The following WWTR1 variants were observed in gnomAD, a reference collection of about 807,000 sequenced individuals.
The protein encoded by WWTR1 is WW domain containing transcription regulator 1, also known as WW domain-containing transcription regulator protein 1.
Under a neutral mutation model 40.1 loss-of-function variants are expected in WWTR1, and 13 were observed. That is an observed-to-expected ratio of 0.32 (90% CI 0.21 to 0.52). WWTR1 has a LOEUF of 0.52. WWTR1 is among the 20% of genes least tolerant of loss of function. The pLI is 0.97. For missense variants in WWTR1, 436 were observed against 523.1 expected, an observed-to-expected ratio of 0.83 and a Z score of 1.63; for synonymous variants, 230 against 210.1, an observed-to-expected ratio of 1.09 and a Z score of -0.82.
chr3:149,623,641 G>C (rs1740417645), intron 2 of WWTR1, among the ~76,000 whole-genome samples: 1 of 152,132 alleles, frequency 6.6e-6, no homozygotes, highest in African/African-American at 2.4e-5. Flanking sequence ...ATCCTTATTT[G>C]AATAGGAGAG....
intron 3 of WWTR1, among the ~76,000 whole-genome samples, chr3:149,545,818 G>T (rs567071161): frequency 6.6e-6 from 1 of 152,164 alleles, no homozygotes; most frequent in Non-Finnish European, 1.5e-5. Flanking sequence ...ACCGCGCCCA[G>T]CCCTATGTTA....
chr3:149,612,564 GTAA>G (rs1576596689), intron 2 of WWTR1, among the ~76,000 whole-genome samples: 1 of 152,092 alleles, frequency 6.6e-6, no homozygotes, highest in East Asian at 1.9e-4. Context: ...TGCCAATTAA[GTAA>G]TAATATTTTC....
intron 1 of WWTR1, among the ~76,000 whole-genome samples, chr3:149,686,865 G>A (rs1243020917): frequency 6.6e-6 from 1 of 152,098 alleles, no homozygotes; most frequent in Admixed American, 6.6e-5. Context: ...TGAACTATGG[G>A]AGTTCTGAGT....
Position 149,674,056 on chromosome 3 carries a change from C to CAAAAAAAAAAAAAAAAA in WWTR1, c.-107-4166_-107-4165insTTTTTTTTTTTTTTTTT, listed in dbSNP as rs71138404. Among the ~76,000 whole-genome samples, 60 of 121,816 alleles carry CAAAAAAAAAAAAAAAAA rather than the reference C, an allele frequency of 4.9e-4. 1 individual carries two copies. Among genetic ancestry groups the CAAAAAAAAAAAAAAAAA allele is most frequent in the African/African-American group, 1.6e-3 (51 of 32,196 alleles). The allele number at this position is 121,816 out of a possible 152,430, so 79.9% of individuals were successfully genotyped here. A position where few individuals can be genotyped will look rare whatever the true frequency, so the allele number is the denominator to read the frequency against. On this transcript the variant is annotated intron_variant, in intron 1 of 7. Transcript: ENST00000465804. ...GCAACATAGTAAGACCTCGTCTCTACAAAAAAAAAAAAATTAGCTGGGCAT... is the reference window on the plus strand; with the variant it reads ...GCAACATAGTAAGACCTCGTCTCTACAAAAAAAAAAAAAAAAAAAAAAAAAAAAAATTAGCTGGGCAT...
intron 4 of WWTR1, among the ~76,000 whole-genome samples, chr3:149,530,845 C>G (rs543771714): frequency 3.8e-4 from 58 of 152,256 alleles, no homozygotes; most frequent in African/African-American, 1.4e-3. Context: ...CGCCTTCTGT[C>G]TGTAGGGGGC....
At chr3:149,586,506 G>A (rs970842259) in intron 2 of WWTR1, among the ~76,000 whole-genome samples, 22 of 152,306 alleles carry the variant, frequency 1.4e-4, no homozygotes, top group African/African-American at 4.6e-4. Flanking sequence ...CACCATTGCC[G>A]ATCTAGAGTT....
chr3:149,707,323 TCCTCAGTTTCCAGGCCAGG>T (rs1715359458), upstream of WWTR1, among the ~76,000 whole-genome samples: 2 of 152,124 alleles, frequency 1.3e-5, no homozygotes, highest in South Asian at 4.1e-4. Context: ...GGGGTTAGTG[TCCTCAGTTTCCAGGCCAGG>T]CCTGGGTTTT....
Position 149,671,365 on chromosome 3 carries a change from C to T in WWTR1, c.-107-1474G>A, listed in dbSNP as rs993791081. On this transcript the variant is annotated intron_variant, in intron 1 of 7. Coordinates refer to the WWTR1 transcript ENST00000465804. ...AAGAGCAGAGGCAAACCAGAAAAACCCCTGCTTGTACATTCAGCCCAGGGA... is the reference window on the plus strand; with the variant it reads ...AAGAGCAGAGGCAAACCAGAAAAACTCCTGCTTGTACATTCAGCCCAGGGA... Among the ~76,000 whole-genome samples the T allele has an allele frequency of 3.9e-5, 6 of 152,076 alleles. No homozygotes were observed. In the East Asian group the frequency reaches 1.2e-3, roughly 29 times the overall value.
chr3:149,521,912 G>A (rs1413599735), intron 6 of WWTR1, among the ~76,000 whole-genome samples: 1 of 152,146 alleles, frequency 6.6e-6, no homozygotes, highest in Admixed American at 6.5e-5. Context: ...AAAAGTTAGA[G>A]TAAAGTGCCA....
upstream of WWTR1, among the ~76,000 whole-genome samples, chr3:149,705,182 A>G (rs1190052279): frequency 1.3e-5 from 2 of 152,196 alleles, no homozygotes; most frequent in African/African-American, 4.8e-5. Context: ...CAATATTTCA[A>G]TAAACAGGAG....
At chr3:149,647,601 A>T (rs1199866649) in intron 2 of WWTR1, among the ~76,000 whole-genome samples, 1 of 152,250 alleles carries the variant, frequency 6.6e-6, no homozygotes, top group African/African-American at 2.4e-5. Flanking sequence ...GTCCCAAGTC[A>T]AGGGTAGCCT....
intron 2 of WWTR1, among the ~76,000 whole-genome samples, chr3:149,643,184 T>C (rs1029168288): frequency 6.6e-6 from 1 of 152,118 alleles, no homozygotes; most frequent in African/African-American, 2.4e-5. Context: ...TTAATCTGAG[T>C]CCCCTTTGCC....
At chr3:149,620,934 A>G (rs1740238229) in intron 2 of WWTR1, among the ~76,000 whole-genome samples, 1 of 152,238 alleles carries the variant, frequency 6.6e-6, no homozygotes, top group South Asian at 2.1e-4. Context: ...ACAAGTGGAG[A>G]GAATGCAAAC....
rs570159094 is a variant in WWTR1 at position 149,645,314 on chromosome 3, C to T, written c.431+11562G>A. ...CAGGATGGTCTTGATCTCCTGACCT[C>T]GTGATCTGCCCGCCTCGGCCTCCCA... is the stretch of plus-strand genomic sequence containing the variant. On this transcript the variant is annotated intron_variant, in intron 2 of 6. Coordinates refer to ENST00000360632, the MANE Select transcript of WWTR1 (RefSeq NM_015472.6). Among the ~76,000 whole-genome samples the T allele has an allele frequency of 3.3e-5, 5 of 151,980 alleles. No homozygotes were observed. The East Asian group carries it at 5.8e-4, about 18-fold the overall frequency.
intron 2 of WWTR1, among the ~76,000 whole-genome samples, chr3:149,652,892 T>A (rs1194712449): frequency 6.6e-6 from 1 of 151,972 alleles, no homozygotes; most frequent in Non-Finnish European, 1.5e-5. Flanking sequence ...AATTAAAAGT[T>A]GCCCTCTGTG....
At chr3:149,535,219 G>T (rs1327219778) in intron 4 of WWTR1, among the ~76,000 whole-genome samples, 6 of 146,372 alleles carry the variant, frequency 4.1e-5, no homozygotes, top group African/African-American at 1.6e-4. Context: ...AGGGTGGGGT[G>T]AGTAGAAAGA....
In WWTR1 at chr3:149,692,555, G is replaced by T. The variant is rs1714858494; in HGVS notation, c.-108+10569C>A. Among the ~76,000 whole-genome samples the T allele has an allele frequency of 2.0e-5, 3 of 152,112 alleles. No individual in the cohort carries two copies. The East Asian group carries it at 5.8e-4, about 29-fold the overall frequency. The stretch of plus-strand genomic sequence containing the variant: ...CCCACAGTTAGTGTCACACTTAATG[G>T]GAAAAAACTGAAAGCCTTTCCTCTA... On this transcript the variant is annotated intron_variant, in intron 1 of 7. Coordinates refer to the WWTR1 transcript ENST00000465804.
rs770347565 is a variant in WWTR1, at chr3:149,656,927, G to A, written c.380C>T (p.Pro127Leu). The A allele has an allele frequency of 6.4e-7, 1 of 1,569,602 alleles. No homozygotes were observed. The highest frequency in any genetic ancestry group is 1.2e-5 in the South Asian group (1 of 84,426). The change falls in exon 2 of 7, where the codon CCC becomes CTC. Residue 127 changes from proline (P) to leucine (L), a missense_variant. Pro to Leu is a moderately conservative substitution (Grantham distance 98, BLOSUM62 -3). Transcript: ENST00000360632. ...SYDVTDELPL[P>L]PGWEMTFTAT... is the part of the protein sequence containing the mutation. ...CGTGAAGGTCATCTCCCAGCCCGGG[G>A]GCAGTGGCAGCTCGTCGGTCACGTC...
At chr3:149,667,110 T>G (rs1713853528) in intron 2 of WWTR1, among the ~76,000 whole-genome samples, 2 of 152,222 alleles carry the variant, frequency 1.3e-5, no homozygotes, top group South Asian at 4.1e-4. Context: ...TTGTGTGTAT[T>G]AAAGAATCCT....
Sources: gnomAD v4.1 joint callset for allele counts (sites outside exome capture counted in the v4.1 genomes callset) on GRCh38, gnomAD v4.1.1 for gene constraint, MANE v1.5 for transcripts, NCBI Gene and HGNC (gene_info 2026-07-23, HGNC 2026-07-21) for gene names.